The following TMEM47 variants were observed in gnomAD, a reference collection of about 807,000 sequenced individuals.
TMEM47 encodes brain cell membrane protein 1.
TMEM47 carries 3 observed loss-of-function variants against 12.4 expected under a neutral mutation model. The ratio of observed to expected loss-of-function variants is 0.24; its 90% CI spans 0.11 to 0.63. The LOEUF (loss-of-function observed/expected upper bound fraction) is 0.63, where lower values mean the gene tolerates loss of function less well. TMEM47 is among the 20% of genes least tolerant of loss of function. The pLI is 0.86. For synonymous variants in TMEM47, 62 were observed against 63.3 expected, an observed-to-expected ratio of 0.98 and a Z score of 0.10; for missense variants, 89 against 143.8, an observed-to-expected ratio of 0.62 and a Z score of 1.95.
At chrX:34,631,804 A>T (rs1409680606) in intron 2 of TMEM47, among the ~76,000 whole-genome samples, 1 of 112,458 alleles carries the variant, frequency 8.9e-6, no homozygotes, top group African/African-American at 3.2e-5. Context: ...AATGTCTTCC[A>T]CTTAAAATTC....
chrX:34,640,743 G>T (rs919375053), intron 1 of TMEM47, among the ~76,000 whole-genome samples: 3 of 111,402 alleles, frequency 2.7e-5, no homozygotes, highest in Non-Finnish European at 5.7e-5. Context: ...GATGAGCAGA[G>T]GAATTGCCAA....
intron 1 of TMEM47, among the ~76,000 whole-genome samples, chrX:34,646,113 G>A (rs930503651): frequency 2.7e-5 from 3 of 111,071 alleles, no homozygotes; most frequent in Non-Finnish European, 3.8e-5. Context: ...GGAAAATCCC[G>A]GTTGTCCAAA....
chrX:34,649,648 C>G (rs996815357), intron 1 of TMEM47, among the ~76,000 whole-genome samples: 2 of 110,708 alleles, frequency 1.8e-5, no homozygotes, highest in Non-Finnish European at 3.8e-5. Flanking sequence ...GAAGAAACCC[C>G]GGTGACATGA....
intron 1 of TMEM47, among the ~76,000 whole-genome samples, chrX:34,650,991 TTTGTTG>T (rs149970941): frequency 1.1e-4 from 12 of 109,225 alleles, no homozygotes; most frequent in African/African-American, 3.7e-4. Flanking sequence ...TGGTTGGCCG[TTTGTTG>T]TTGTTGTTGT....
chrX:34,656,887 T>C lies in TMEM47; in HGVS notation c.143A>G (p.His48Arg), dbSNP rs1922120476. The change falls in exon 1 of 3, where the codon CAC becomes CGC. Residue 48 changes from histidine (H) to arginine (R), a missense_variant. Coordinates refer to ENST00000275954, the MANE Select transcript of TMEM47 (RefSeq NM_031442.4). ...CTCCCACAACGACAGGTAGTACTGG[T>C]GGTCAGCTGTGACCCAGGCCGGGCT... Reference protein sequence around the residue: ...VLSPAWVTADHQYYLSLWESC... With the variant: ...VLSPAWVTADRQYYLSLWESC... The C allele has an allele frequency of 8.5e-7, 1 of 1,173,964 alleles. No individual in the cohort carries two copies. Among genetic ancestry groups the C allele is most frequent in the Admixed American group, 2.5e-5 (1 of 39,958 alleles).
chrX:34,636,787 C>T (rs1209983134), intron 2 of TMEM47, among the ~76,000 whole-genome samples: 1 of 111,572 alleles, frequency 9.0e-6, no homozygotes, highest in African/African-American at 3.3e-5. Context: ...GTGTTGCTCC[C>T]GAGAAACGGA....
chrX:34,641,680 T>G (rs2147139557), intron 1 of TMEM47, among the ~76,000 whole-genome samples: 1 of 111,922 alleles, frequency 8.9e-6, no homozygotes, highest in African/African-American at 3.2e-5. Flanking sequence ...CGTTTTGCAT[T>G]TTGTAAAGAC....
chrX:34,627,381 T>C lies in TMEM47; in HGVS notation c.*2932A>G, dbSNP rs1481889126. 8.9e-6 allele frequency: 1 copy of C among 112,313 alleles called. No homozygotes were observed. Among genetic ancestry groups the C allele is most frequent in the Non-Finnish European group, 1.9e-5 (1 of 53,177 alleles). 9.3% of individuals were successfully genotyped at this position (112,313 alleles called of 1,213,427 possible). ...AAATTTCTAGGCACAGCTTTAGGCA[T>C]TAAAGAGGACACAGAGGCATAGGTT... On this transcript the variant is annotated 3_prime_UTR_variant, in exon 3 of 3. Coordinates refer to ENST00000275954, the MANE Select transcript of TMEM47 (RefSeq NM_031442.4).
At chrX:34,639,878 A>T (rs1484071271) in intron 1 of TMEM47, among the ~76,000 whole-genome samples, 1 of 111,545 alleles carries the variant, frequency 9.0e-6, no homozygotes, top group Admixed American at 9.5e-5. Flanking sequence ...TACTGAGGAC[A>T]TCCGTCACCA....
rs947264374 is a variant in TMEM47, at chrX:34,639,469, A to T, written c.227-82T>A. ...CTATGTTCAGCAGCCTTCACCTTGC[A>T]GTGGCTCAACAGATGTGATTTTACT... On this transcript the variant is annotated intron_variant, in intron 1 of 2. Coordinates refer to ENST00000275954, the MANE Select transcript of TMEM47 (RefSeq NM_031442.4). 3.1e-6 allele frequency: 3 copies of T among 983,393 alleles called. No homozygotes were observed. In the African/African-American group the frequency reaches 5.8e-5, roughly 19 times the overall value. The allele number at this position is 983,393 out of a possible 1,213,427, so 81.0% of individuals were successfully genotyped here.
At chrX:34,653,560 A>G (rs1922053455) in intron 1 of TMEM47, among the ~76,000 whole-genome samples, 1 of 111,803 alleles carries the variant, frequency 8.9e-6, no homozygotes, top group Non-Finnish European at 1.9e-5. Flanking sequence ...TAGAGGTTAT[A>G]GAGCACATTT....
At chrX:34,630,621 G>A (rs1183629661) in intron 2 of TMEM47, 130 bp from the exon 3 acceptor site, 1 of 523,168 alleles carries the variant, frequency 1.9e-6, no homozygotes, top group African/African-American at 2.4e-5. Context: ...TTTTAAAGAT[G>A]GCTTGTTCTA....
intron 2 of TMEM47, among the ~76,000 whole-genome samples, chrX:34,634,012 T>C (rs1212015911): frequency 9.0e-6 from 1 of 111,279 alleles, no homozygotes; most frequent in Non-Finnish European, 1.9e-5. Context: ...TGTAATAAAA[T>C]TCACAGATGT....
In TMEM47 at chrX:34,629,644, A is replaced by G. The variant is rs1921576809; in HGVS notation, c.*669T>C. ...GAGATCCTCAATTTTTCCCCAGTCT[A>G]GATAGGGCTGAGGCACCAATTTCTA... On this transcript the variant is annotated 3_prime_UTR_variant, in exon 3 of 3. Transcript: ENST00000275954. 9.0e-6 allele frequency: 1 copy of G among 111,575 alleles called. No homozygotes were observed. Among genetic ancestry groups the G allele is most frequent in the Admixed American group, 9.6e-5 (1 of 10,461 alleles). 9.2% of individuals were successfully genotyped at this position (111,575 alleles called of 1,213,427 possible).
In TMEM47 at chrX:34,627,698, T is replaced by A. The variant is rs959283500; in HGVS notation, c.*2615A>T. 8.9e-6 allele frequency: 1 copy of A among 112,232 alleles called. No individual in the cohort carries two copies. The highest frequency in any genetic ancestry group is 1.9e-5 in the Non-Finnish European group (1 of 53,109). 9.2% of individuals were successfully genotyped at this position (112,232 alleles called of 1,213,427 possible). A position where few individuals can be genotyped will look rare whatever the true frequency, so the allele number is the denominator to read the frequency against. On this transcript the variant is annotated 3_prime_UTR_variant, in exon 3 of 3. Coordinates refer to ENST00000275954, the MANE Select transcript of TMEM47 (RefSeq NM_031442.4). The stretch of plus-strand genomic sequence containing the variant: ...GTATATATATGTGTGTATATCTATA[T>A]CTATAGATGTAGATCTATATCCATA...
chrX:34,639,301 C>G lies in TMEM47; in HGVS notation c.313G>C (p.Val105Leu). The G allele has an allele frequency of 8.3e-7, 1 of 1,204,863 alleles. No homozygotes were observed. Among genetic ancestry groups the G allele is most frequent in the Non-Finnish European group, 1.1e-6 (1 of 892,044 alleles). The change falls in exon 2 of 3, where the codon GTG becomes CTG. Residue 105 changes from valine (V) to leucine (L), a missense_variant. Transcript: ENST00000275954. ...CTATAGAAACGCCTTCGAGATCCCA[C>G]GCAGATAGAAATCAAACCCACCAGG... Reference protein sequence around the residue: ...AFLVGLISICVGSRRRFYRPV... With the variant: ...AFLVGLISICLGSRRRFYRPV...
intron 2 of TMEM47, among the ~76,000 whole-genome samples, chrX:34,635,223 A>G (rs1249453559): frequency 1.8e-5 from 2 of 111,728 alleles, no homozygotes; most frequent in Non-Finnish European, 3.8e-5. Context: ...CCTCTGAATG[A>G]GATTATTCTC....
At chrX:34,634,669 GT>G (rs1921682729) in intron 2 of TMEM47, among the ~76,000 whole-genome samples, 1 of 112,188 alleles carries the variant, frequency 8.9e-6, no homozygotes, top group African/African-American at 3.2e-5. Flanking sequence ...ATTGTGCCAA[GT>G]ACTGATTCAG....
intron 1 of TMEM47, among the ~76,000 whole-genome samples, chrX:34,643,031 T>C (rs1012433048): frequency 3.6e-5 from 4 of 111,218 alleles, no homozygotes; most frequent in Admixed American, 1.9e-4. Flanking sequence ...TGTGGGTACT[T>C]TGGAGCTGCA....
Sources: gnomAD v4.1 joint callset for allele counts (sites outside exome capture counted in the v4.1 genomes callset) on GRCh38, gnomAD v4.1.1 for gene constraint, MANE v1.5 for transcripts, NCBI Gene and HGNC (gene_info 2026-07-23, HGNC 2026-07-21) for gene names.